DTNA: variants seen among roughly 807,000 people sequenced by gnomAD.
The protein encoded by DTNA is dystrophin-related protein 3.
DTNA carries 43 observed loss-of-function variants against 100.7 expected under a neutral mutation model. The observed-to-expected ratio is 0.43, with a 90% CI of 0.33 to 0.55. The LOEUF is 0.55. Among genes scored for constraint, DTNA ranks in the 20% least tolerant of loss-of-function variants. DTNA has a pLI of 0.04. For synonymous variants in DTNA, 349 were observed against 347.9 expected, an observed-to-expected ratio of 1.00 and a Z score of -0.04; for missense variants, 798 against 953.9, an observed-to-expected ratio of 0.84 and a Z score of 2.15.
At chr18:34,872,703 C>T (rs2096777404) in intron 17 of DTNA, among the ~76,000 whole-genome samples, 1 of 152,222 alleles carries the variant, frequency 6.6e-6, no homozygotes, top group Non-Finnish European at 1.5e-5. Context: ...GATCCAGCAA[C>T]TAAAAGGTAT....
At chr18:34,512,715 C>T (rs921871431) in intron 1 of DTNA, among the ~76,000 whole-genome samples, 3 of 152,124 alleles carry the variant, frequency 2.0e-5, no homozygotes, top group Admixed American at 6.6e-5. Flanking sequence ...GCATAGAAAA[C>T]TTTAGGGCCC....
chr18:34,782,774 C>G (rs1244699903), intron 3 of DTNA, among the ~76,000 whole-genome samples: 2 of 152,196 alleles, frequency 1.3e-5, no homozygotes, highest in Non-Finnish European at 2.9e-5. Flanking sequence ...GAGGTCCAAA[C>G]ACTGATTTTC....
intron 1 of DTNA, among the ~76,000 whole-genome samples, chr18:34,512,255 AT>A (rs150581639): frequency 4.6e-5 from 7 of 152,066 alleles, no homozygotes; most frequent in African/African-American, 1.7e-4. Flanking sequence ...TTCTAAAAAA[AT>A]TTATATAGTT....
At chr18:34,575,722 T>C (rs1444846052) in intron 1 of DTNA, among the ~76,000 whole-genome samples, 1 of 152,250 alleles carries the variant, frequency 6.6e-6, no homozygotes, top group African/African-American at 2.4e-5. Context: ...TACTTGGGAT[T>C]GGATGGATTC....
chr18:34,652,891 G>T (rs192358622), intron 1 of DTNA, among the ~76,000 whole-genome samples: 16 of 152,240 alleles, frequency 1.1e-4, no homozygotes, highest in Admixed American at 7.2e-4. Flanking sequence ...CCTAGGAGCT[G>T]CAAAGTTCAT....
rs534802888 is a variant in DTNA, at chr18:34,863,758, CT to C, written c.1647-205del. ...GAAGGAAACAAAAGATCTAAAAGGA[CT>C]TTAATTCTGATGTAGTATGACTGCT... On this transcript the variant is annotated intron_variant, in intron 16 of 22. Transcript: ENST00000444659. 4.3e-4 allele frequency among the ~76,000 whole-genome samples: 65 copies of C among 152,296 alleles called. 1 individual carries two copies. Among genetic ancestry groups the C allele is most frequent in the South Asian group, 2.7e-3 (13 of 4,820 alleles).
intron 3 of DTNA, among the ~76,000 whole-genome samples, chr18:34,781,537 A>T (rs548016495): frequency 6.6e-6 from 1 of 152,208 alleles, no homozygotes; most frequent in East Asian, 1.9e-4. Flanking sequence ...CATGTTCTTT[A>T]TACTATATTG....
chr18:34,889,191 A>T lies in DTNA; in HGVS notation c.*1457A>T. On this transcript the variant is annotated 3_prime_UTR_variant, in exon 23 of 23. Transcript: ENST00000444659. Reference sequence around the variant, plus strand: ...ATGCTTAAATTAGCAGTTTCTCTGGAATTCCTGTCTCTCCTTTAAAAGAAA... The same window carrying T: ...ATGCTTAAATTAGCAGTTTCTCTGGTATTCCTGTCTCTCCTTTAAAAGAAA... The T allele has an allele frequency of 2.0e-6, 2 of 985,418 alleles. No individual in the cohort carries two copies. The highest frequency in any genetic ancestry group is 2.4e-6 in the Non-Finnish European group (2 of 829,932). The allele number at this position is 985,418 out of a possible 1,614,324, so 61.0% of individuals were successfully genotyped here.
intron 1 of DTNA, among the ~76,000 whole-genome samples, chr18:34,520,346 A>G (rs1345694401): frequency 1.3e-5 from 2 of 152,034 alleles, no homozygotes; most frequent in Non-Finnish European, 2.9e-5. Flanking sequence ...GATCTTTACT[A>G]TCTCATTTAA....
intron 1 of DTNA, among the ~76,000 whole-genome samples, chr18:34,521,389 C>A (rs1223683829): frequency 6.6e-6 from 1 of 152,160 alleles, no homozygotes; most frequent in Non-Finnish European, 1.5e-5. Context: ...GCTCCTCCTT[C>A]GGCTTCCATG....
chr18:34,875,262 C>T lies in DTNA; in HGVS notation c.1767C>T (p.Arg589=). The change falls in exon 18 of 23, where the codon CGC becomes CGT. Residue 589 remains arginine (R), a synonymous_variant. Coordinates refer to ENST00000444659, the MANE Select transcript of DTNA (RefSeq NM_001386795.1). ...LLKTQGAGSP[R]SSPSHTISRP... ...AGACTCAGGGGGCAGGCTCTCCCCG[C>T]TCCTCCCCCAGCCACACCATCAGCA... is the stretch of plus-strand genomic sequence containing the variant. 4 of 1,614,096 alleles carry T rather than the reference C, an allele frequency of 2.5e-6. No individual in the cohort carries two copies. Among genetic ancestry groups the T allele is most frequent in the Non-Finnish European group, 3.4e-6 (4 of 1,179,970 alleles).
chr18:34,524,015 G>A (rs777874696), intron 1 of DTNA, among the ~76,000 whole-genome samples: 19 of 152,264 alleles, frequency 1.2e-4, no homozygotes, highest in Non-Finnish European at 1.5e-4. Context: ...ATTTGAGTAG[G>A]TCACTGTGTT....
intron 4 of DTNA, among the ~76,000 whole-genome samples, chr18:34,798,456 G>T (rs1006425937): frequency 1.3e-5 from 2 of 151,896 alleles, no homozygotes; most frequent in African/African-American, 4.8e-5. Flanking sequence ...CAATGTTGGT[G>T]ATCCTATTTT....
chr18:34,634,232 C>G (rs1049384654), intron 1 of DTNA, among the ~76,000 whole-genome samples: 3 of 152,150 alleles, frequency 2.0e-5, no homozygotes, highest in African/African-American at 7.2e-5. Context: ...TAGCTATTCT[C>G]AAACTTTTTA....
intron 17 of DTNA, chr18:34,868,386 A>G (rs2096730396): frequency 2.6e-6 from 2 of 776,858 alleles, no homozygotes; most frequent in Non-Finnish European, 3.1e-6. Flanking sequence ...TCCCAGCCCT[A>G]TAGAGGCGGT....
chr18:34,752,253 C>T lies in DTNA; in HGVS notation c.-1-3723C>T, dbSNP rs147549483. On this transcript the variant is annotated intron_variant, in intron 1 of 22. Transcript: ENST00000444659. ...ATGACTTTGGGCAGCTGTTGTTGTACTGAAATTCATGAAAAGCACAGCTCC... is the reference window on the plus strand; with the variant it reads ...ATGACTTTGGGCAGCTGTTGTTGTATTGAAATTCATGAAAAGCACAGCTCC... Among the ~76,000 whole-genome samples the T allele has an allele frequency of 2.6e-4, 39 of 152,304 alleles. No individual in the cohort carries two copies. The East Asian group carries it at 5.0e-3, about 20-fold the overall frequency.
chr18:34,764,276 A>T (rs780220791), intron 2 of DTNA, among the ~76,000 whole-genome samples: 1 of 152,168 alleles, frequency 6.6e-6, no homozygotes, highest in African/African-American at 2.4e-5. Context: ...ATCTCGCTTT[A>T]TCCATGAGGA....
intron 3 of DTNA, among the ~76,000 whole-genome samples, chr18:34,783,110 C>G (rs2094394015): frequency 6.6e-6 from 1 of 152,194 alleles, no homozygotes; most frequent in Non-Finnish European, 1.5e-5. Flanking sequence ...AGTTATCATT[C>G]AGATCTGTCT....
intron 1 of DTNA, among the ~76,000 whole-genome samples, chr18:34,585,394 AAAG>A (rs2049025560): frequency 6.6e-6 from 1 of 152,232 alleles, no homozygotes; most frequent in African/African-American, 2.4e-5. Context: ...ATATCAGGAA[AAAG>A]AAGAAAAAAA....
Sources: allele counts gnomAD v4.1 joint callset (sites outside exome capture counted in the v4.1 genomes callset), GRCh38; gene constraint gnomAD v4.1.1; transcripts MANE v1.5; gene names NCBI Gene and HGNC (gene_info 2026-07-23, HGNC 2026-07-21).